LRIG1: variants seen among roughly 807,000 people sequenced by gnomAD.
LRIG1 encodes the protein leucine-rich repeats and immunoglobulin-like domains protein 1.
LRIG1 carries 48 observed loss-of-function variants against 99.2 expected under a neutral mutation model. The ratio of observed to expected loss-of-function variants is 0.48; its 90% CI spans 0.38 to 0.62. LRIG1 has a LOEUF of 0.62. Ranked by LOEUF, LRIG1 falls within the 20% of genes least tolerant of loss-of-function variation. The probability of loss-of-function intolerance (pLI) is 0.00; values close to 1 mark genes in which losing one functional copy is unlikely to be tolerated. For missense variants in LRIG1, 1,646 were observed against 1,434.4 expected (o/e 1.15, Z -2.38); for synonymous variants, 772 against 596.1 (o/e 1.29, Z -4.30).
At chr3:66,443,173 T>C (rs1483838087) in intron 3 of LRIG1, among the ~76,000 whole-genome samples, 2 of 151,996 alleles carry the variant, frequency 1.3e-5, no homozygotes, top group South Asian at 2.1e-4. Context: ...TGTTTAATTT[T>C]CTATTTTGAG....
At chr3:66,389,730 T>A (rs1575651430) in intron 12 of LRIG1, among the ~76,000 whole-genome samples, 1 of 152,172 alleles carries the variant, frequency 6.6e-6, no homozygotes, top group South Asian at 2.1e-4. Flanking sequence ...TACACTTCAA[T>A]ACCCCACTTT....
chr3:66,455,668 T>G (rs1475365394), intron 2 of LRIG1, among the ~76,000 whole-genome samples: 2 of 152,224 alleles, frequency 1.3e-5, no homozygotes, highest in African/African-American at 4.8e-5. Context: ...GCGTTGAAAC[T>G]GTAGTTGGTT....
chr3:66,476,045 G>A (rs1258675461), intron 1 of LRIG1, among the ~76,000 whole-genome samples: 1 of 152,112 alleles, frequency 6.6e-6, no homozygotes, highest in African/African-American at 2.4e-5. Flanking sequence ...CTGCAGCCTG[G>A]GAATAAAGCG....
chr3:66,414,327 G>A (rs981177437), intron 5 of LRIG1, among the ~76,000 whole-genome samples: 4 of 152,128 alleles, frequency 2.6e-5, no homozygotes, highest in Non-Finnish European at 5.9e-5. Flanking sequence ...AACCCCGGGG[G>A]CGGAGCTTGC....
intron 3 of LRIG1, among the ~76,000 whole-genome samples, chr3:66,422,201 A>T (rs1702841331): frequency 6.6e-6 from 1 of 152,218 alleles, no homozygotes; most frequent in Non-Finnish European, 1.5e-5. Flanking sequence ...TTGGTGATTA[A>T]CATTCAGCTC....
chr3:66,410,433 G>A (rs540557755), intron 6 of LRIG1, among the ~76,000 whole-genome samples, 161 bp from the exon 7 acceptor site: 2 of 152,264 alleles, frequency 1.3e-5, no homozygotes, highest in Non-Finnish European at 2.9e-5. Context: ...GTGCATGTGA[G>A]TAGGGGCTGG....
intron 1 of LRIG1, among the ~76,000 whole-genome samples, chr3:66,493,272 A>G (rs7646811): frequency 0.86 from 130,591 of 152,128 alleles, 58,689 homozygotes; most frequent in Non-Finnish European, 0.99. Context: ...GGATAAAATG[A>G]TTAGTTTAAG....
chr3:66,404,135 A>C (rs1702172851), intron 9 of LRIG1: 1 of 673,016 alleles, frequency 1.5e-6, no homozygotes, highest in Admixed American at 2.5e-5. Flanking sequence ...CAGCCAACAG[A>C]GCTTATTCCT....
At chr3:66,466,107 C>G (rs898944576) in intron 1 of LRIG1, among the ~76,000 whole-genome samples, 6 of 152,196 alleles carry the variant, frequency 3.9e-5, no homozygotes, top group African/African-American at 9.7e-5. Flanking sequence ...TCATGGCTCA[C>G]TGCAGCCTCA....
intron 1 of LRIG1, among the ~76,000 whole-genome samples, chr3:66,479,869 G>A (rs1178055505): frequency 6.6e-6 from 1 of 152,214 alleles, no homozygotes; most frequent in African/African-American, 2.4e-5. Flanking sequence ...GGTGCACACA[G>A]CTTCTCCAGG....
rs1343348257 is a variant in LRIG1 at position 66,417,254 on chromosome 3, C to T, written c.378G>A (p.Lys126=). Residue 126 remains lysine (K), a synonymous_variant, in exon 4 of 19, where the codon AAG becomes AAA. Transcript: ENST00000273261. ...HVVSLFLQHN[K]IRSVEGSQLK... ...GCTGGCTCCCCTCCACGCTGCGAATCTTGTTGTGCTGCCTGAAACACAACA... is the reference window on the plus strand; with the variant it reads ...GCTGGCTCCCCTCCACGCTGCGAATTTTGTTGTGCTGCCTGAAACACAACA... 1 of 1,613,776 alleles carries T rather than the reference C, an allele frequency of 6.2e-7. No homozygotes were observed. Among genetic ancestry groups the T allele is most frequent in the Non-Finnish European group, 8.5e-7 (1 of 1,179,874 alleles).
At chr3:66,470,131 G>A (rs1211469091) in intron 1 of LRIG1, among the ~76,000 whole-genome samples, 1 of 152,060 alleles carries the variant, frequency 6.6e-6, no homozygotes, top group Non-Finnish European at 1.5e-5. Flanking sequence ...TAATCGGAGG[G>A]CCAGCATTCC....
chr3:66,404,555 C>A, intron 9 of LRIG1: 2 of 488,514 alleles, frequency 4.1e-6, no homozygotes, highest in Non-Finnish European at 6.0e-6. Context: ...ACTTGCCAGC[C>A]GTGTAGTTTT....
chr3:66,443,587 G>A (rs1703619864), intron 3 of LRIG1, among the ~76,000 whole-genome samples: 1 of 152,220 alleles, frequency 6.6e-6, no homozygotes, highest in Admixed American at 6.5e-5. Flanking sequence ...TCTGTCATGT[G>A]ACCCATCAGT....
At chr3:66,405,764 T>TCTGGAGC (rs1210699535) in intron 8 of LRIG1, 1 of 1,171,366 alleles carries the variant, frequency 8.5e-7, no homozygotes, top group Non-Finnish European at 1.1e-6. Flanking sequence ...AGCCAGTGGG[T>TCTGGAGC]CTGGAGCCCG....
chr3:66,492,046 T>C (rs1701112960), intron 1 of LRIG1, among the ~76,000 whole-genome samples: 1 of 152,220 alleles, frequency 6.6e-6, no homozygotes, highest in Admixed American at 6.5e-5. Context: ...ACAGCTTACT[T>C]TCTAATCAGT....
At chr3:66,381,006 A>C in intron 17 of LRIG1, 145 bp from the exon 18 acceptor site, 2 of 758,096 alleles carry the variant, frequency 2.6e-6, no homozygotes, top group Non-Finnish European at 2.1e-6. Context: ...TTCCCCAACT[A>C]TGTCCCCAGA....
chr3:66,446,401 G>A (rs1048261119), intron 3 of LRIG1, among the ~76,000 whole-genome samples: 3 of 142,394 alleles, frequency 2.1e-5, no homozygotes, highest in Admixed American at 7.0e-5. Flanking sequence ...CCGCCCACCC[G>A]CCTTTTTTTT....
intron 1 of LRIG1, among the ~76,000 whole-genome samples, chr3:66,474,057 G>C (rs1700661465): frequency 6.6e-6 from 1 of 152,152 alleles, no homozygotes. Flanking sequence ...TGGCTGAGAA[G>C]ACACGAAGTC....
Sources: gnomAD v4.1 joint callset for allele counts (sites outside exome capture counted in the v4.1 genomes callset) on GRCh38, gnomAD v4.1.1 for gene constraint, MANE v1.5 for transcripts, NCBI Gene and HGNC (gene_info 2026-07-23, HGNC 2026-07-21) for gene names.